Variants in SCARF2 observed in about 807,000 individuals in gnomAD.
SCARF2 encodes scavenger receptor expressed by endothelial cells 2 protein.
In SCARF2, 39 loss-of-function variants were observed where a neutral mutation model predicts 73.4. The observed-to-expected ratio is 0.53, with a 90% CI of 0.41 to 0.69. The LOEUF is 0.69. Among genes scored for constraint, SCARF2 ranks in the 30% least tolerant of loss-of-function variants. The probability of loss-of-function intolerance (pLI) is 0.00; values close to 1 mark genes in which losing one functional copy is unlikely to be tolerated. For missense variants in SCARF2, 1,148 were observed against 1,303.5 expected (o/e 0.88, Z 1.84); for synonymous variants, 605 against 590.0 (o/e 1.03, Z -0.37).
chr22:20,434,911 G>A (rs1034774156), intron 1 of SCARF2, among the ~76,000 whole-genome samples: 2 of 151,966 alleles, frequency 1.3e-5, no homozygotes, highest in Admixed American at 6.6e-5. Context: ...CTGCTGCCCC[G>A]CCTGGACACC....
chr22:20,429,446 C>G lies in SCARF2; in HGVS notation c.1424+90G>C, dbSNP rs1256920438. ...AGAAGGGGCGGGGCCACGTCCGGGGCAGGGGCGCGGAAGGGTTGGATCTGG... is the reference window on the plus strand; with the variant it reads ...AGAAGGGGCGGGGCCACGTCCGGGGGAGGGGCGCGGAAGGGTTGGATCTGG... On this transcript the variant is annotated intron_variant, in intron 8 of 10. Transcript: ENST00000622235. The surrounding 1 kb of genome is among the most constrained non-coding windows in gnomAD (Gnocchi z 5.2). 6.4e-7 allele frequency: 1 copy of G among 1,571,720 alleles called. No individual in the cohort carries two copies. The highest frequency in any genetic ancestry group is 1.4e-5 in the African/African-American group (1 of 73,972).
intron 3 of SCARF2, 29 bp downstream of exon 3, chr22:20,431,716 G>A (rs778390696): frequency 5.2e-6 from 5 of 966,606 alleles, no homozygotes; most frequent in East Asian, 6.1e-5. Flanking sequence ...CCGCCCCACC[G>A]ACCAATACCG....
chr22:20,427,398 C>T lies in SCARF2; in HGVS notation c.1693G>A (p.Glu565Lys). The T allele has an allele frequency of 6.2e-7, 1 of 1,614,136 alleles. No individual in the cohort carries two copies. Among genetic ancestry groups the T allele is most frequent in the Non-Finnish European group, 8.5e-7 (1 of 1,180,016 alleles). The part of the protein sequence containing the change: ...EGPVYCVPHE[E>K]APAESRDPEV... Reference sequence around the variant, plus strand: ...GATGCCCAGGTAGGGCCTTACTTACCCTCATGGGGTACACAGTACACAGGG... The same window carrying T: ...GATGCCCAGGTAGGGCCTTACTTACTCTCATGGGGTACACAGTACACAGGG... Residue 565 changes from glutamate to lysine, a missense_variant and splice_region_variant, in exon 10 of 11, where the codon GAG becomes AAG. By Grantham distance (56) the Glu-to-Lys change is moderately conservative. Around this residue, in one of 5 missense-constraint regions of SCARF2, gnomAD observed 437 missense variants for 433.6 expected, o/e 1.01. Transcript: ENST00000622235.
At chr22:20,430,404 C>T (rs1413931603) in intron 6 of SCARF2, 25 bp downstream of exon 6, 1 of 1,580,632 alleles carries the variant, frequency 6.3e-7, no homozygotes, top group Non-Finnish European at 8.6e-7. Flanking sequence ...AGCCCCCAAC[C>T]CCCTCCCGGT....
At chr22:20,434,652 G>A (rs1035271871) in intron 1 of SCARF2, among the ~76,000 whole-genome samples, 10 of 152,204 alleles carry the variant, frequency 6.6e-5, no homozygotes, top group Non-Finnish European at 5.9e-5. Context: ...CTGCTCCCAC[G>A]CTTGCCCTGT....
rs190498949 is a variant in SCARF2 at position 20,431,746 on chromosome 22, G to A, written c.333C>T (p.Thr111=). 5 of 1,571,908 alleles carry A rather than the reference G, an allele frequency of 3.2e-6. No homozygotes were observed. The East Asian group carries it at 1.2e-4, about 36-fold the overall frequency. The change falls in exon 3 of 11, where the codon ACC becomes ACT. Residue 111 remains threonine, a splice_region_variant and synonymous_variant. Coordinates refer to ENST00000622235, the MANE Select transcript of SCARF2 (RefSeq NM_182895.5). ...RHGYFGANCD[T]KCPRQFWGPD... is the part of the protein sequence containing the mutation. ...ATACCGGCCCGACCCCACGCTCACT[G>A]GTGTCGCAGTTGGCACCGAAGTAGC...
In SCARF2 at chr22:20,430,488, G is replaced by A. The variant is rs2146129097; in HGVS notation, c.1143C>T (p.Ser381=). The A allele has an allele frequency of 1.3e-6, 2 of 1,599,494 alleles. No individual in the cohort carries two copies. Among genetic ancestry groups the A allele is most frequent in the South Asian group, 1.1e-5 (1 of 89,146 alleles). The change falls in exon 6 of 11, where the codon AGC becomes AGT. Residue 381 remains serine, a synonymous_variant. Coordinates refer to ENST00000622235, the MANE Select transcript of SCARF2 (RefSeq NM_182895.5). ...DCAFVCADCG[S]GHCDFQSGRC... ...GCCCCGACTGGAAGTCGCAGTGTCC[G>A]CTGCCGCAGTCGGCGCACACGAAGG...
intron 6 of SCARF2, 25 bp downstream of exon 6, chr22:20,430,404 C>A: frequency 6.3e-7 from 1 of 1,580,632 alleles, no homozygotes; most frequent in Non-Finnish European, 8.6e-7. Context: ...AGCCCCCAAC[C>A]CCCTCCCGGT....
At chr22:20,437,068 AC>A (rs1295018570) in intron 1 of SCARF2, among the ~76,000 whole-genome samples, 1 of 151,806 alleles carries the variant, frequency 6.6e-6, no homozygotes, top group African/African-American at 2.4e-5. Context: ...CGCCTGGGTC[AC>A]CACCCTCCCA....
At position 20,437,627 on chromosome 22, in the gene SCARF2, G is replaced by A; in HGVS notation, c.128C>T (p.Pro43Leu). ...GCGGCCGCGAGGGTTCAGTTCCTGA[G>A]GCGCCACGGTGTCCGGCAGCATCCA... ...LLWMLPDTVA[P>L]QELNPRGRNV... The change falls in exon 1 of 11, where the codon CCT (proline) becomes CTT (leucine). Residue 43 changes from proline (P) to leucine (L), a missense_variant. Physicochemically the swap from Pro to Leu is moderately conservative, Grantham distance 98. Coordinates refer to ENST00000622235, the MANE Select transcript of SCARF2 (RefSeq NM_182895.5). 1 of 1,566,106 alleles carries A rather than the reference G, an allele frequency of 6.4e-7. No individual in the cohort carries two copies. Among genetic ancestry groups the A allele is most frequent in the Non-Finnish European group, 8.6e-7 (1 of 1,163,210 alleles).
chr22:20,430,506 C>CA lies in SCARF2; in HGVS notation c.1124dup (p.Cys376ValfsTer28). 1 of 1,605,024 alleles carries CA rather than the reference C, an allele frequency of 6.2e-7. No individual in the cohort carries two copies. Among genetic ancestry groups the CA allele is most frequent in the Non-Finnish European group, 8.5e-7 (1 of 1,176,408 alleles). ...AGTGTCCGCTGCCGCAGTCGGCGCA[C>CA]ACGAAGGCGCAGTCCTCGCCGTAAG... On this transcript the variant is annotated frameshift_variant, in exon 6 of 11. Transcript: ENST00000622235. LOFTEE classifies it high-confidence loss of function.
Position 20,425,230 on chromosome 22 carries a change from G to T in SCARF2, c.*145C>A. On this transcript the variant is annotated 3_prime_UTR_variant, in exon 11 of 11. Transcript: ENST00000622235. The surrounding 1 kb of genome is among the most constrained non-coding windows in gnomAD (Gnocchi z 4.6). ...TGCTCCAATCCAGGAGCGGCTGCAG[G>T]ACCTGAGCCAATGAGACGCAACCTC... 2 of 615,522 alleles carry T rather than the reference G, an allele frequency of 3.2e-6. No homozygotes were observed. The highest frequency in any genetic ancestry group is 4.8e-6 in the Non-Finnish European group (2 of 414,568). 38.1% of individuals were successfully genotyped at this position (615,522 alleles called of 1,614,324 possible).
chr22:20,429,574 G>C lies in SCARF2; in HGVS notation c.1386C>G (p.Gly462=). The C allele has an allele frequency of 6.2e-7, 1 of 1,613,268 alleles. No homozygotes were observed. The highest frequency in any genetic ancestry group is 8.5e-7 in the Non-Finnish European group (1 of 1,179,880). Residue 462 remains glycine (G), a synonymous_variant, in exon 8 of 11, where the codon GGC becomes GGG. Coordinates refer to ENST00000622235, the MANE Select transcript of SCARF2 (RefSeq NM_182895.5). This position sits in a 1 kb window ranked among gnomAD's most constrained non-coding sequence, Gnocchi z 5.2. The stretch of plus-strand genomic sequence containing the variant: ...CCTTGCCGCGGCAAGCGCAGCAGCA[G>C]CCGAGCAGCGAGAGCAGCAGGCAGA... ...LLVCLLLSLL[G]CCCACRGKDP...
rs1327254474 is a variant in SCARF2 at position 20,425,988 on chromosome 22, G to A, written c.1988C>T (p.Pro663Leu). The A allele has an allele frequency of 6.3e-7, 1 of 1,588,604 alleles. No homozygotes were observed. The highest frequency in any genetic ancestry group is 1.1e-5 in the South Asian group (1 of 89,114). The change falls in exon 11 of 11, where the codon CCT becomes CTT. Residue 663 changes from proline to leucine, a missense_variant. Transcript: ENST00000622235. This position sits in a 1 kb window ranked among gnomAD's most constrained non-coding sequence, Gnocchi z 4.6. Reference sequence around the variant, plus strand: ...CTTGCCGTGGATCCAGGACACCTTAGGCTTGGTGGCGGGGTCAGGTGGCGG... The same window carrying A: ...CTTGCCGTGGATCCAGGACACCTTAAGCTTGGTGGCGGGGTCAGGTGGCGG... The part of the protein sequence containing the change: ...KPPPPDPATK[P>L]KVSWIHGKHS...
chr22:20,436,681 G>T (rs1470573870), intron 1 of SCARF2, among the ~76,000 whole-genome samples: 1 of 152,126 alleles, frequency 6.6e-6, no homozygotes, highest in Non-Finnish European at 1.5e-5. Context: ...CTGCCAGCCC[G>T]TGCGGCGTCT....
Position 20,425,492 on chromosome 22 carries a change from C to A in SCARF2, c.2484G>T (p.Ala828=), listed in dbSNP as rs2052562283. 1.5e-6 allele frequency: 2 copies of A among 1,364,492 alleles called. No individual in the cohort carries two copies. Among genetic ancestry groups the A allele is most frequent in the Admixed American group, 3.1e-5 (1 of 32,378 alleles). 84.5% of individuals were successfully genotyped at this position (1,364,492 alleles called of 1,614,324 possible). A position where few individuals can be genotyped will look rare whatever the true frequency, so the allele number is the denominator to read the frequency against. ...GGGTCTCAGGCGCGGGCAAGTCGGTCGCCGCCTTCTCAGGCCCCGGGGTTT... is the reference window on the plus strand; with the variant it reads ...GGGTCTCAGGCGCGGGCAAGTCGGTAGCCGCCTTCTCAGGCCCCGGGGTTT... The part of the protein sequence containing the change: ...ATETPGPEKA[A]TDLPAPETPR... Residue 828 remains alanine (A), a synonymous_variant, in exon 11 of 11, where the codon GCG becomes GCT. Coordinates refer to ENST00000622235, the MANE Select transcript of SCARF2 (RefSeq NM_182895.5). The surrounding 1 kb of genome is among the most constrained non-coding windows in gnomAD (Gnocchi z 4.6).
At chr22:20,430,956 CT>C (rs1044669362) in intron 4 of SCARF2, 48 bp from the exon 5 acceptor site, 5 of 1,564,662 alleles carry the variant, frequency 3.2e-6, no homozygotes, top group Admixed American at 3.6e-5. Context: ...CGCCTCACCC[CT>C]GTCCCCATCG....
intron 3 of SCARF2, 93 bp from the exon 4 acceptor site, chr22:20,431,630 G>C (rs1379784901): frequency 1.3e-6 from 2 of 1,539,654 alleles, no homozygotes; most frequent in African/African-American, 2.7e-5. Flanking sequence ...CACTCCAGCC[G>C]CCACCTCTGG....
chr22:20,437,653 G>GAGC lies in SCARF2; in HGVS notation c.99_101dup (p.Leu34dup), dbSNP rs746523771. The GAGC allele has an allele frequency of 1.8e-4, 279 of 1,536,898 alleles. No individual in the cohort carries two copies. The highest frequency in any genetic ancestry group is 4.5e-4 in the Admixed American group (24 of 52,872). ...GCGCCACGGTGTCCGGCAGCATCCA[G>GAGC]AGCAGCAGCAGCAGCAGCAGCGACG... On this transcript the variant is annotated inframe_insertion, in exon 1 of 11. Coordinates refer to ENST00000622235, the MANE Select transcript of SCARF2 (RefSeq NM_182895.5).
Sources: gnomAD v4.1 joint callset for allele counts (sites outside exome capture counted in the v4.1 genomes callset) on GRCh38, gnomAD v4.1.1 for gene constraint, gnomAD v4.1.1 regional missense constraint, Gnocchi (gnomAD v3.1) non-coding constraint, MANE v1.5 for transcripts, NCBI Gene and HGNC (gene_info 2026-07-23, HGNC 2026-07-21) for gene names.